Variants in CUBN observed in about 807,000 individuals in gnomAD.
CUBN encodes 460 kDa receptor.
CUBN carries 282 observed loss-of-function variants against 405.3 expected under a neutral mutation model. That is an observed-to-expected ratio of 0.70 (90% CI 0.63 to 0.77). The LOEUF (loss-of-function observed/expected upper bound fraction) is 0.77, where lower values mean the gene tolerates loss of function less well. Ranked by LOEUF, CUBN falls within the 30% of genes least tolerant of loss-of-function variation. The pLI, the probability that CUBN is intolerant of heterozygous loss-of-function variation, is 0.00. For synonymous variants in CUBN, 1,684 were observed against 1,617.0 expected (o/e 1.04, Z -0.99); for missense variants, 4,514 against 4,475.2 (o/e 1.01, Z -0.25).
rs113325895 is a variant in CUBN at position 16,890,240 on chromosome 10, G to T, written c.8755+131C>A. ...ATTTGGAAGAAAGGTGTCTTCTTGGGATTAGGTGACTCATCCTCCCCGTAG... is the reference window on the plus strand; with the variant it reads ...ATTTGGAAGAAAGGTGTCTTCTTGGTATTAGGTGACTCATCCTCCCCGTAG... On this transcript the variant is annotated intron_variant, in intron 55 of 66. Coordinates refer to ENST00000377833, the MANE Select transcript of CUBN (RefSeq NM_001081.4). The T allele has an allele frequency of 1.1e-5, 9 of 819,330 alleles. 1 individual carries two copies. The highest frequency in any genetic ancestry group is 1.7e-5 in the African/African-American group (1 of 59,712). The allele number at this position is 819,330 out of a possible 1,614,324, so 50.8% of individuals were successfully genotyped here.
chr10:17,085,911 T>G, intron 15 of CUBN, 152 bp from the exon 16 acceptor site: 1 of 701,980 alleles, frequency 1.4e-6, no homozygotes, highest in Non-Finnish European at 2.4e-6. Context: ...ATGGCTGAGG[T>G]TCAGCAAAGT....
At chr10:17,091,241 C>T (rs377534521) in intron 14 of CUBN, among the ~76,000 whole-genome samples, 25 of 152,126 alleles carry the variant, frequency 1.6e-4, no homozygotes, top group East Asian at 5.8e-4. Context: ...AAACAAAACA[C>T]GGAAAAGTGT....
At chr10:17,053,546 T>G (rs1186087017) in intron 22 of CUBN, among the ~76,000 whole-genome samples, 2 of 151,942 alleles carry the variant, frequency 1.3e-5, no homozygotes, top group African/African-American at 4.8e-5. Flanking sequence ...TAAATGTGCA[T>G]GCATGAAGTA....
chr10:16,873,296 C>T (rs1840411199), intron 58 of CUBN, among the ~76,000 whole-genome samples: 1 of 152,120 alleles, frequency 6.6e-6, no homozygotes, highest in Admixed American at 6.5e-5. Flanking sequence ...GTTGCATTGC[C>T]CTCATCAGTC....
chr10:16,898,066 G>GTGTATATATA (rs1554789718), intron 54 of CUBN, among the ~76,000 whole-genome samples: 6 of 145,032 alleles, frequency 4.1e-5, no homozygotes, highest in African/African-American at 1.5e-4. Flanking sequence ...TTTATTATAT[G>GTGTATATATA]TATATATATA....
rs138578458 is a variant in CUBN, at chr10:16,874,914, G to T, written c.9107-411C>A. Among the ~76,000 whole-genome samples, 864 of 152,226 alleles carry T rather than the reference G, an allele frequency of 5.7e-3. 4 individuals carry two copies. Among genetic ancestry groups the T allele is most frequent in the African/African-American group, 0.019 (809 of 41,536 alleles). On this transcript the variant is annotated intron_variant, in intron 57 of 66. Transcript: ENST00000377833. ...GTTCTGGGCGTACAGATCTAGGAAGGTTGTGATCTGGAAATCTGAAATAAT... is the reference window on the plus strand; with the variant it reads ...GTTCTGGGCGTACAGATCTAGGAAGTTTGTGATCTGGAAATCTGAAATAAT...
At chr10:17,042,548 A>G (rs1418865237) in intron 26 of CUBN, among the ~76,000 whole-genome samples, 1 of 152,192 alleles carries the variant, frequency 6.6e-6, no homozygotes, top group Non-Finnish European at 1.5e-5. Context: ...AAGAAAAAAA[A>G]GAAACCCTTA....
chr10:16,878,654 T>C (rs1164869177), intron 56 of CUBN, among the ~76,000 whole-genome samples: 1 of 152,214 alleles, frequency 6.6e-6, no homozygotes, highest in African/African-American at 2.4e-5. Flanking sequence ...TTCTTCCCAA[T>C]TCTACATTTT....
Position 16,982,512 on chromosome 10 carries a change from T to C in CUBN, c.4667A>G (p.Asp1556Gly). ...AATACAAGAGTCTTGTGGTTCAAGATCAAAGTCAGTGAAGTTCAAGAGAAC... is the reference window on the plus strand; with the variant it reads ...AATACAAGAGTCTTGTGGTTCAAGACCAAAGTCAGTGAAGTTCAAGAGAAC... Reference protein sequence around the residue: ...HRVLLNFTDFDLEPQDSCIMA... With the variant: ...HRVLLNFTDFGLEPQDSCIMA... The change falls in exon 31 of 67, where the codon GAT (aspartate) becomes GGT (glycine). Residue 1556 changes from aspartate (D) to glycine (G), a missense_variant. This residue lies in a region of CUBN where 1,613 missense variants were observed against 1,542.8 expected (regional missense o/e 1.05). Coordinates refer to ENST00000377833, the MANE Select transcript of CUBN (RefSeq NM_001081.4). 1 of 1,613,808 alleles carries C rather than the reference T, an allele frequency of 6.2e-7. No homozygotes were observed. Among genetic ancestry groups the C allele is most frequent in the Non-Finnish European group, 8.5e-7 (1 of 1,179,752 alleles).
chr10:16,932,540 T>C (rs2131593680), intron 40 of CUBN, among the ~76,000 whole-genome samples: 1 of 152,300 alleles, frequency 6.6e-6, no homozygotes, highest in South Asian at 2.1e-4. Context: ...CTCTACCTAT[T>C]CTACCCACAT....
At chr10:17,093,643 A>G (rs1836312521) in intron 14 of CUBN, among the ~76,000 whole-genome samples, 1 of 152,094 alleles carries the variant, frequency 6.6e-6, no homozygotes, top group African/African-American at 2.4e-5. Context: ...TGTCCTGCTC[A>G]CAATAAAAAC....
At chr10:17,000,777 A>G (rs898231201) in intron 28 of CUBN, among the ~76,000 whole-genome samples, 1 of 152,236 alleles carries the variant, frequency 6.6e-6, no homozygotes, top group Non-Finnish European at 1.5e-5. Flanking sequence ...GTTTGGACAC[A>G]TCACTTAACT....
At chr10:17,001,944 A>G (rs1833900558) in intron 28 of CUBN, among the ~76,000 whole-genome samples, 1 of 152,194 alleles carries the variant, frequency 6.6e-6, no homozygotes, top group African/African-American at 2.4e-5. Context: ...AAATTCTACT[A>G]ACTCTTATAA....
chr10:16,867,847 G>A (rs1217438505), intron 59 of CUBN, among the ~76,000 whole-genome samples: 1 of 152,126 alleles, frequency 6.6e-6, no homozygotes, highest in African/African-American at 2.4e-5. Flanking sequence ...AATTTAATGA[G>A]GCTAGGGAAC....
In CUBN at chr10:16,836,357, A is replaced by G; in HGVS notation, c.10058T>C (p.Phe3353Ser). 1 of 1,614,166 alleles carries G rather than the reference A, an allele frequency of 6.2e-7. No individual in the cohort carries two copies. The highest frequency in any genetic ancestry group is 2.2e-5 in the East Asian group (1 of 44,888). The change falls in exon 63 of 67, where the codon TTC becomes TCC. Residue 3353 changes from phenylalanine (F) to serine (S), a missense_variant. Coordinates refer to ENST00000377833, the MANE Select transcript of CUBN (RefSeq NM_001081.4). ...PQGHGNSRFQ[F>S]CGRNASAVPV... ...CACAGCCGAAGCATTTCTGCCACAG[A>G]ACTGAAATCTTGAATTTCCGTGACC...
At chr10:16,923,182 C>T (rs1842087846) in intron 43 of CUBN, among the ~76,000 whole-genome samples, 1 of 151,874 alleles carries the variant, frequency 6.6e-6, no homozygotes, top group Non-Finnish European at 1.5e-5. Context: ...GTCTCCTTTA[C>T]CACACTGTGA....
intron 19 of CUBN, 86 bp downstream of exon 19, chr10:17,071,340 T>C: frequency 7.1e-7 from 1 of 1,404,182 alleles, no homozygotes; most frequent in Non-Finnish European, 9.9e-7. Context: ...TACTTTCATT[T>C]CCTATAACAG....
intron 14 of CUBN, among the ~76,000 whole-genome samples, chr10:17,092,175 C>T (rs570318477): frequency 5.9e-5 from 9 of 152,106 alleles, no homozygotes; most frequent in East Asian, 1.9e-4. Context: ...GAGTTATGAA[C>T]GGGTCTCACC....
chr10:17,021,009 C>T (rs1476118457), intron 27 of CUBN, among the ~76,000 whole-genome samples: 2 of 152,274 alleles, frequency 1.3e-5, no homozygotes, highest in Admixed American at 6.5e-5. Context: ...TTCAGTGGAG[C>T]TTTGTCAATT....
Sources: allele counts gnomAD v4.1 joint callset (sites outside exome capture counted in the v4.1 genomes callset), GRCh38; gene constraint gnomAD v4.1.1; regional missense constraint gnomAD v4.1.1; transcripts MANE v1.5; gene names NCBI Gene and HGNC (gene_info 2026-07-23, HGNC 2026-07-21).